The following MAP3K4 variants were observed in gnomAD, a reference collection of about 807,000 sequenced individuals.
MAP3K4 encodes the protein MAP three kinase 1.
In MAP3K4, 67 loss-of-function variants were observed where a neutral mutation model predicts 185.6. The observed-to-expected ratio is 0.36, with a 90% CI of 0.30 to 0.44. The LOEUF is 0.44. Ranked by LOEUF, MAP3K4 falls within the 20% of genes least tolerant of loss-of-function variation. The pLI, the probability that MAP3K4 is intolerant of heterozygous loss-of-function variation, is 1.00. For synonymous variants in MAP3K4, 702 were observed against 710.4 expected (o/e 0.99, Z 0.19); for missense variants, 1,551 against 1,995.1 (o/e 0.78, Z 4.24).
chr6:161,105,838 GT>G (rs5881392), intron 19 of MAP3K4, among the ~76,000 whole-genome samples: 106,046 of 132,528 alleles, frequency 0.8, 42,414 homozygotes, highest in East Asian at 0.97. Context: ...TTGGTTTTTT[GT>G]TTTTTTTTTT....
chr6:161,113,546 T>C (rs537794586), intron 25 of MAP3K4, among the ~76,000 whole-genome samples: 1 of 152,150 alleles, frequency 6.6e-6, no homozygotes, highest in African/African-American at 2.4e-5. Context: ...TGCATTGACA[T>C]TGGTTCATCA....
rs1038084171 is a variant in MAP3K4 at position 161,108,462 on chromosome 6, G to A, written c.4120-281G>A. On this transcript the variant is annotated intron_variant, in intron 21 of 26. Coordinates refer to ENST00000392142, the MANE Select transcript of MAP3K4 (RefSeq NM_005922.4). The surrounding 1 kb of genome is among the most constrained non-coding windows in gnomAD (Gnocchi z 5.7). ...AGGAGTGGAGAGGGGAGGCTCCAGC[G>A]TCTTGCACTTGCCGTGGAGCCGCGT... Among the ~76,000 whole-genome samples, 3 of 152,088 alleles carry A rather than the reference G, an allele frequency of 2.0e-5. No individual in the cohort carries two copies. Among genetic ancestry groups the A allele is most frequent in the East Asian group, 1.9e-4 (1 of 5,166 alleles).
At position 161,098,325 on chromosome 6, in the gene MAP3K4, C is replaced by A; in HGVS notation, c.3572C>A (p.Ala1191Asp). Reference sequence around the variant, plus strand: ...GCGCGGAGCCATGGCAGCCCTGCTGCTGCTGCTGCTGCTGCTGCTGCTGCT... The same window carrying A: ...GCGCGGAGCCATGGCAGCCCTGCTGATGCTGCTGCTGCTGCTGCTGCTGCT... ...SDARSHGSPA[A>D]AAAAAAAAVA... Residue 1191 changes from alanine (A) to aspartate (D), a missense_variant, in exon 17 of 27, where the codon GCT (alanine) becomes GAT (aspartate). Coordinates refer to ENST00000392142, the MANE Select transcript of MAP3K4 (RefSeq NM_005922.4). This position sits in a 1 kb window ranked among gnomAD's most constrained non-coding sequence, Gnocchi z 4.4. The A allele has an allele frequency of 1.3e-6, 2 of 1,506,110 alleles. No individual in the cohort carries two copies. Among genetic ancestry groups the A allele is most frequent in the South Asian group, 2.4e-5 (2 of 84,940 alleles). The allele number at this position is 1,506,110 out of a possible 1,614,324, so 93.3% of individuals were successfully genotyped here. A position where few individuals can be genotyped will look rare whatever the true frequency, so the allele number is the denominator to read the frequency against.
intron 23 of MAP3K4, among the ~76,000 whole-genome samples, chr6:161,111,090 G>C (rs1371355724): frequency 6.6e-6 from 1 of 152,176 alleles, no homozygotes; most frequent in Non-Finnish European, 1.5e-5. Flanking sequence ...AGTCAATTGT[G>C]GGGAGCATCA....
chr6:161,055,199 G>T (rs1014610669), intron 3 of MAP3K4, among the ~76,000 whole-genome samples: 1 of 152,152 alleles, frequency 6.6e-6, no homozygotes, highest in African/African-American at 2.4e-5. Flanking sequence ...TCCCAACCCT[G>T]CTTAAAAGTT....
rs369504568 is a variant in MAP3K4, at chr6:161,092,984, G to A, written c.3276G>A (p.Ala1092=). Residue 1092 remains alanine, a synonymous_variant, in exon 14 of 27, where the codon GCG becomes GCA. Transcript: ENST00000392142. ...GAACTTTTTCGTGTACCAGGTGGGC[G>A]ACTCAAGGATTTGATTTTCTACAAG... ...ESGRGTRPRW[A]TQGFDFLQAI... 11 of 1,612,050 alleles carry A rather than the reference G, an allele frequency of 6.8e-6. No homozygotes were observed. Among genetic ancestry groups the A allele is most frequent in the Admixed American group, 6.7e-5 (4 of 59,898 alleles).
intron 1 of MAP3K4, among the ~76,000 whole-genome samples, chr6:161,002,198 T>G (rs79191531): frequency 0.047 from 7,143 of 152,196 alleles, 213 homozygotes; most frequent in Non-Finnish European, 0.056. Flanking sequence ...AATTAAGAAC[T>G]GTAACGCTAC....
At chr6:161,068,754 T>G (rs1784811353) in intron 3 of MAP3K4, among the ~76,000 whole-genome samples, 1 of 152,194 alleles carries the variant, frequency 6.6e-6, no homozygotes, top group Non-Finnish European at 1.5e-5. Flanking sequence ...GCATGTATGG[T>G]TCAAGGAAAG....
intron 3 of MAP3K4, 33 bp downstream of exon 3, chr6:161,050,012 T>A (rs1470755439): frequency 2.6e-6 from 4 of 1,519,894 alleles, no homozygotes; most frequent in Non-Finnish European, 8.8e-7. Flanking sequence ...TACAATGATA[T>A]CCTTAGTTCC....
Position 161,115,980 on chromosome 6 carries a change from C to G in MAP3K4, c.4806+678C>G, listed in dbSNP as rs932458986. On this transcript the variant is annotated intron_variant, in intron 26 of 26. Coordinates refer to ENST00000392142, the MANE Select transcript of MAP3K4 (RefSeq NM_005922.4). The surrounding 1 kb of genome is among the most constrained non-coding windows in gnomAD (Gnocchi z 6.0). ...GACATAGAGTTTTAGAAAGATCACT[C>G]TAGAGGCAAAGGAATTGAGAAGGTT... Among the ~76,000 whole-genome samples the G allele has an allele frequency of 6.6e-6, 1 of 152,126 alleles. No individual in the cohort carries two copies. Among genetic ancestry groups the G allele is most frequent in the Non-Finnish European group, 1.5e-5 (1 of 68,028 alleles).
intron 1 of MAP3K4, among the ~76,000 whole-genome samples, chr6:161,026,138 C>G (rs1464024932): frequency 2.0e-5 from 3 of 147,780 alleles, no homozygotes; most frequent in African/African-American, 7.4e-5. Context: ...GAAGGCTTTG[C>G]TTTTTTTTTT....
At chr6:161,016,103 A>G (rs1387124297) in intron 1 of MAP3K4, among the ~76,000 whole-genome samples, 1 of 152,138 alleles carries the variant, frequency 6.6e-6, no homozygotes, top group Non-Finnish European at 1.5e-5. Flanking sequence ...CTGTCTGATT[A>G]TAGTTTTGAT....
At chr6:161,102,486 G>A (rs1273594475) in intron 18 of MAP3K4, among the ~76,000 whole-genome samples, 1 of 152,128 alleles carries the variant, frequency 6.6e-6, no homozygotes, top group East Asian at 1.9e-4. Context: ...GATGAGTGTA[G>A]TTAAAATCCT....
intron 2 of MAP3K4, among the ~76,000 whole-genome samples, chr6:161,047,219 T>A (rs1170730544): frequency 6.8e-6 from 1 of 147,178 alleles, no homozygotes; most frequent in Non-Finnish European, 1.5e-5. Context: ...GGTGGGAGGA[T>A]TGTTTGAGCC....
chr6:161,056,721 A>G lies in MAP3K4; in HGVS notation c.1707+6742A>G, dbSNP rs540846242. Among the ~76,000 whole-genome samples the G allele has an allele frequency of 2.0e-5, 3 of 152,188 alleles. No individual in the cohort carries two copies. Among genetic ancestry groups the G allele is most frequent in the Non-Finnish European group, 4.4e-5 (3 of 68,028 alleles). The stretch of plus-strand genomic sequence containing the variant: ...TTTAGCCTTTTATAGTCAAAACACT[A>G]TTCTCCAAAGTAACTTAGGTCAGCA... On this transcript the variant is annotated intron_variant, in intron 3 of 26. Coordinates refer to ENST00000392142, the MANE Select transcript of MAP3K4 (RefSeq NM_005922.4). This position sits in a 1 kb window ranked among gnomAD's most constrained non-coding sequence, Gnocchi z 5.4.
chr6:161,002,050 G>GT (rs77347524), intron 1 of MAP3K4, among the ~76,000 whole-genome samples: 8,562 of 112,238 alleles, frequency 0.076, 367 homozygotes, highest in African/African-American at 0.13. Flanking sequence ...TAAGAAAAAG[G>GT]TTTTTTTTTT....
At chr6:161,038,982 C>A (rs866309728) in intron 2 of MAP3K4, among the ~76,000 whole-genome samples, 1 of 152,152 alleles carries the variant, frequency 6.6e-6, no homozygotes, top group African/African-American at 2.4e-5. Context: ...ACTTCTTACA[C>A]GGCAGCTGTC....
At position 161,112,424 on chromosome 6, in the gene MAP3K4, A is replaced by G. The variant is rs529264473; in HGVS notation, c.4520-244A>G. 1.2e-4 allele frequency among the ~76,000 whole-genome samples: 18 copies of G among 152,250 alleles called. No individual in the cohort carries two copies. The South Asian group carries it at 1.7e-3, about 14-fold the overall frequency. On this transcript the variant is annotated intron_variant, in intron 24 of 26. Transcript: ENST00000392142. The surrounding 1 kb of genome is among the most constrained non-coding windows in gnomAD (Gnocchi z 5.1). Reference sequence around the variant, plus strand: ...TCCTCCTTTGCAGGTTAAATTTTCTATTTTCATTGTGAATACAATTAATTT... The same window carrying G: ...TCCTCCTTTGCAGGTTAAATTTTCTGTTTTCATTGTGAATACAATTAATTT...
chr6:161,069,590 C>T (rs1162564948), intron 3 of MAP3K4, among the ~76,000 whole-genome samples: 1 of 152,070 alleles, frequency 6.6e-6, no homozygotes, highest in Non-Finnish European at 1.5e-5. Context: ...TCGGGGGCAG[C>T]ACTTGGAAGT....
Sources: allele counts gnomAD v4.1 joint callset (sites outside exome capture counted in the v4.1 genomes callset), GRCh38; gene constraint gnomAD v4.1.1; non-coding constraint Gnocchi (gnomAD v3.1); transcripts MANE v1.5; gene names NCBI Gene and HGNC (gene_info 2026-07-23, HGNC 2026-07-21).